MUC5B: variants seen among roughly 807,000 people sequenced by gnomAD.
MUC5B encodes mucin-5B.
Under a neutral mutation model 376.9 loss-of-function variants are expected in MUC5B, and 116 were observed. The ratio of observed to expected loss-of-function variants is 0.31; its 90% CI spans 0.26 to 0.36. The LOEUF is 0.36. MUC5B is among the 10% of genes least tolerant of loss of function. The pLI, the probability that MUC5B is intolerant of heterozygous loss-of-function variation, is 1.00. For missense variants in MUC5B, 7,165 were observed against 7,769.9 expected (o/e 0.92, Z 2.93); for synonymous variants, 3,517 against 3,390.9 (o/e 1.04, Z -1.29).
Position 1,236,491 on chromosome 11 carries a change from G to C in MUC5B, c.2986G>C (p.Glu996Gln). 3 of 1,613,144 alleles carry C rather than the reference G, an allele frequency of 1.9e-6. No individual in the cohort carries two copies. The highest frequency in any genetic ancestry group is 2.5e-6 in the Non-Finnish European group (3 of 1,179,832). ...IRYMGIFLVI[E>Q]THGMAVSWDR... ...CTACATGGGGATCTTCCTGGTCATC[G>C]AGACCCACGGGATGGCCGTGTCCTG... is the stretch of plus-strand genomic sequence containing the variant. Residue 996 changes from glutamate (E) to glutamine (Q), a missense_variant, in exon 24 of 49, where the codon GAG becomes CAG. Transcript: ENST00000529681.
At position 1,243,350 on chromosome 11, in the gene MUC5B, C is replaced by A. The variant is rs763540271; in HGVS notation, c.6470C>A (p.Pro2157His). ...TNPSSTPGTT[P>H]IPPVLTTTAT... ...CCCTCCTCAACTCCTGGGACAACTCCCATCCCCCCAGTGCTGACCACCACC... is the reference window on the plus strand; with the variant it reads ...CCCTCCTCAACTCCTGGGACAACTCACATCCCCCCAGTGCTGACCACCACC... The change falls in exon 31 of 49, where the codon CCC becomes CAC. Residue 2157 changes from proline (P) to histidine (H), a missense_variant. Pro to His is a moderately conservative substitution (Grantham distance 77). Transcript: ENST00000529681. 1.9e-6 allele frequency: 3 copies of A among 1,558,388 alleles called. No homozygotes were observed. Among genetic ancestry groups the A allele is most frequent in the Non-Finnish European group, 2.6e-6 (3 of 1,151,384 alleles).
In MUC5B at chr11:1,256,241, G is replaced by A; in HGVS notation, c.16136+16G>A. 1.4e-6 allele frequency: 1 copy of A among 720,890 alleles called. No individual in the cohort carries two copies. Among genetic ancestry groups the A allele is most frequent in the Non-Finnish European group, 2.6e-6 (1 of 387,412 alleles). The allele number at this position is 720,890 out of a possible 1,614,324, so 44.7% of individuals were successfully genotyped here. A position where few individuals can be genotyped will look rare whatever the true frequency, so the allele number is the denominator to read the frequency against. On this transcript the variant is annotated intron_variant, in intron 38 of 48. Coordinates refer to ENST00000529681, the MANE Select transcript of MUC5B (RefSeq NM_002458.3). ...GCAACTCTAGGTAAGTACAGGGATG[G>A]CTGGTGCCTTCCCTGCCACCCAGGC...
rs55893724 is a variant in MUC5B at position 1,255,202 on chromosome 11, G to T, written c.15826G>T (p.Val5276Leu). The change falls in exon 36 of 49, where the codon GTG becomes TTG. Residue 5276 changes from valine to leucine, a missense_variant. Val to Leu is a conservative substitution (Grantham distance 32). This residue lies in a region of MUC5B where 842 missense variants were observed against 1,016.9 expected (regional missense o/e 0.83). Transcript: ENST00000529681. The part of the protein sequence containing the change: ...TPPTASPAAP[V>L]SSTPTPTPCP... ...CCCCACTGCCAGCCCCGCAGCCCCG[G>T]TGTCTAGCACACCCACCCCCACCCC... The T allele has an allele frequency of 8.1e-3, 12,593 of 1,548,088 alleles. 58 individuals are homozygous for T. The highest frequency in any genetic ancestry group is 9.4e-3 in the Non-Finnish European group (10,765 of 1,145,282).
rs553890416 is a variant in MUC5B at position 1,233,086 on chromosome 11, C to T, written c.2139C>T (p.Arg713=). The change falls in exon 18 of 49, where the codon CGC becomes CGT. Residue 713 remains arginine, a synonymous_variant. Coordinates refer to ENST00000529681, the MANE Select transcript of MUC5B (RefSeq NM_002458.3). ...YVVDACQPTC[R]GLSEADVTCS... is the part of the protein sequence containing the mutation. ...TGGATGCCTGCCAGCCCACTTGCCG[C>T]GGCCTGAGTGAGGCCGACGTCACCT... The T allele has an allele frequency of 1.3e-4, 210 of 1,607,348 alleles. 7 individuals are homozygous for T. The South Asian group carries it at 1.7e-3, about 13-fold the overall frequency.
chr11:1,232,265 T>C (rs573580007), intron 15 of MUC5B, 105 bp downstream of exon 15: 5 of 1,396,204 alleles, frequency 3.6e-6, no homozygotes, highest in African/African-American at 1.4e-5. Flanking sequence ...GGGGACCCCA[T>C]GGAGGCAGGT....
In MUC5B at chr11:1,252,753, C is replaced by T. The variant is rs56095682; in HGVS notation, c.15046-56C>T. The T allele has an allele frequency of 1.1e-3, 1,685 of 1,536,708 alleles. 32 individuals carry two copies. In the East Asian group the frequency reaches 0.036, roughly 33 times the overall value. Reference sequence around the variant, plus strand: ...TTGGGCCATGAGGGGTGGGATGAGCCGTGGATGGGTCCCGTGAGCTGGTCC... The same window carrying T: ...TTGGGCCATGAGGGGTGGGATGAGCTGTGGATGGGTCCCGTGAGCTGGTCC... On this transcript the variant is annotated intron_variant, in intron 32 of 48. Coordinates refer to ENST00000529681, the MANE Select transcript of MUC5B (RefSeq NM_002458.3).
At position 1,239,474 on chromosome 11, in the gene MUC5B, G is replaced by C. The variant is rs1862229564; in HGVS notation, c.3491G>C (p.Cys1164Ser). Reference protein sequence around the residue: ...FCDFYNPHGGCEWHYQPCGAP... With the variant: ...FCDFYNPHGGSEWHYQPCGAP... ...GACTTCTACAACCCACATGGGGGCTGTGAGTGGCACTACCAGCCCTGCGGG... is the reference window on the plus strand; with the variant it reads ...GACTTCTACAACCCACATGGGGGCTCTGAGTGGCACTACCAGCCCTGCGGG... Residue 1164 changes from cysteine (C) to serine (S), a missense_variant, in exon 27 of 49, where the codon TGT becomes TCT. By Grantham distance (112) the Cys-to-Ser change is moderately radical. Around this residue, in one of 31 missense-constraint regions of MUC5B, gnomAD observed 517 missense variants for 545.3 expected, o/e 0.95. Coordinates refer to ENST00000529681, the MANE Select transcript of MUC5B (RefSeq NM_002458.3). The C allele has an allele frequency of 6.2e-7, 1 of 1,608,158 alleles. No homozygotes were observed.
chr11:1,231,360 C>T (rs1862023776), intron 13 of MUC5B, 63 bp from the exon 14 acceptor site: 2 of 1,528,614 alleles, frequency 1.3e-6, no homozygotes, highest in African/African-American at 1.4e-5. Context: ...ATGCCCTGCC[C>T]CTCCAATCTA....
chr11:1,260,134 G>A (rs1322439938), intron 46 of MUC5B, 49 bp downstream of exon 46: 1 of 1,601,092 alleles, frequency 6.2e-7, no homozygotes, highest in South Asian at 1.1e-5. Flanking sequence ...GTCCATCAGG[G>A]AGGCCCAACC....
In MUC5B at chr11:1,242,849, C is replaced by T. The variant is rs768433230; in HGVS notation, c.5969C>T (p.Thr1990Ile). The change falls in exon 31 of 49, where the codon ACC becomes ATC. Residue 1990 changes from threonine (T) to isoleucine (I), a missense_variant. This residue lies in a region of MUC5B where 897 missense variants were observed against 779.6 expected (regional missense o/e 1.15). Coordinates refer to ENST00000529681, the MANE Select transcript of MUC5B (RefSeq NM_002458.3). ...VTPIPSSSLGTTWTRLSQTTT... is the reference protein window; with the variant it reads ...VTPIPSSSLGITWTRLSQTTT... ...CCCATCCCCTCTTCCTCCCTGGGCA[C>T]CACCTGGACCCGCCTATCACAGACC... The T allele has an allele frequency of 1.2e-6, 2 of 1,613,260 alleles. No homozygotes were observed. Among genetic ancestry groups the T allele is most frequent in the African/African-American group, 1.3e-5 (1 of 74,766 alleles).
chr11:1,225,559 A>G, intron 1 of MUC5B, 122 bp from the exon 2 acceptor site: 2 of 843,328 alleles, frequency 2.4e-6, no homozygotes, highest in South Asian at 3.5e-5. Context: ...CAGGGCATGG[A>G]GACCGCCACC....
Position 1,256,724 on chromosome 11 carries a change from A to G in MUC5B, c.16190A>G (p.Asp5397Gly). ...GCGGAGGGCTGCTTCTGCCCTGAGGACCAGATCCTCTTCAACGCACACATG... is the reference window on the plus strand; with the variant it reads ...GCGGAGGGCTGCTTCTGCCCTGAGGGCCAGATCCTCTTCAACGCACACATG... ...GMAEGCFCPE[D>G]QILFNAHMGI... Residue 5397 changes from aspartate (D) to glycine (G), a missense_variant, in exon 39 of 49, where the codon GAC becomes GGC. Coordinates refer to ENST00000529681, the MANE Select transcript of MUC5B (RefSeq NM_002458.3). 6.4e-7 allele frequency: 1 copy of G among 1,560,332 alleles called. No homozygotes were observed. The highest frequency in any genetic ancestry group is 8.7e-7 in the Non-Finnish European group (1 of 1,154,970).
At position 1,258,817 on chromosome 11, in the gene MUC5B, AG is replaced by A; in HGVS notation, c.16594-121del. ...TGCCTGCCTGGGTCCATGCTCAGCC[AG>A]GGGTGCATCTATGCTCCATCTGAGG... On this transcript the variant is annotated intron_variant, in intron 43 of 48. Coordinates refer to ENST00000529681, the MANE Select transcript of MUC5B (RefSeq NM_002458.3). This position sits in a 1 kb window ranked among gnomAD's most constrained non-coding sequence, Gnocchi z 5.5. The A allele has an allele frequency of 7.5e-7, 1 of 1,327,818 alleles. No homozygotes were observed. The highest frequency in any genetic ancestry group is 1.0e-6 in the Non-Finnish European group (1 of 978,554). 82.3% of individuals were successfully genotyped at this position (1,327,818 alleles called of 1,614,324 possible).
In MUC5B at chr11:1,254,883, G is replaced by A. The variant is rs1590191345; in HGVS notation, c.15664+3G>A. On this transcript the variant is annotated splice_donor_region_variant and intron_variant, in intron 35 of 48. Transcript: ENST00000529681. ...CAACAACACCGAGGGCCAGTGCGGT[G>A]AGTGGGCGGCGGGTCCTGCCCCGGC... 2.5e-6 allele frequency: 4 copies of A among 1,609,940 alleles called. No individual in the cohort carries two copies. The highest frequency in any genetic ancestry group is 1.1e-5 in the South Asian group (1 of 91,026).
intron 26 of MUC5B, 165 bp from the exon 27 acceptor site, chr11:1,239,273 T>C: frequency 3.1e-6 from 3 of 962,784 alleles, no homozygotes; most frequent in South Asian, 1.7e-5. Context: ...GGCTGGGGAG[T>C]GGAGGGGAAG....
At position 1,249,716 on chromosome 11, in the gene MUC5B, C is replaced by A. The variant is rs750471873; in HGVS notation, c.12836C>A (p.Pro4279His). 11 of 1,609,620 alleles carry A rather than the reference C, an allele frequency of 6.8e-6. No homozygotes were observed. Among genetic ancestry groups the A allele is most frequent in the Non-Finnish European group, 6.8e-6 (8 of 1,177,780 alleles). ...TCCACCCCGGGAACAGCTCCCCCTC[C>A]CAAAGTGCTGACCAGCCCGGCCACC... ...PSSTPGTAPP[P>H]KVLTSPATTP... Residue 4279 changes from proline (P) to histidine (H), a missense_variant, in exon 31 of 49, where the codon CCC becomes CAC. Around this residue, in one of 31 missense-constraint regions of MUC5B, gnomAD observed 431 missense variants for 390.4 expected, o/e 1.10. Transcript: ENST00000529681.
In MUC5B at chr11:1,233,842, A is replaced by G; in HGVS notation, c.2371A>G (p.Ser791Gly). Residue 791 changes from serine to glycine, a missense_variant, in exon 19 of 49, where the codon AGC becomes GGC. Physicochemically the swap from Ser to Gly is moderately conservative, Grantham distance 56. This residue lies in a region of MUC5B where 530 missense variants were observed against 604.0 expected (regional missense o/e 0.88). Transcript: ENST00000529681. ...LSCLGASLQK[S>G]TGCAAPMVYL... ...CTGCCTGGGAGCCTCTCTGCAGAAA[A>G]GCACAGGTAAGTGCCACCCCTGCCC... 1 of 1,600,266 alleles carries G rather than the reference A, an allele frequency of 6.2e-7. No homozygotes were observed. Among genetic ancestry groups the G allele is most frequent in the African/African-American group, 1.3e-5 (1 of 74,528 alleles).
In MUC5B at chr11:1,251,121, T is replaced by C; in HGVS notation, c.14241T>C (p.Ala4747=). 1 of 1,609,466 alleles carries C rather than the reference T, an allele frequency of 6.2e-7. No individual in the cohort carries two copies. Among genetic ancestry groups the C allele is most frequent in the South Asian group, 1.1e-5 (1 of 90,950 alleles). The change falls in exon 31 of 49, where the codon GCT becomes GCC. Residue 4747 remains alanine (A), a synonymous_variant. Transcript: ENST00000529681. The part of the protein sequence containing the change: ...VLTSTATKST[A]TSFTPIPSST... ...CAAGCACAGCCACAAAATCCACAGC[T>C]ACCAGCTTTACACCCATCCCCTCCT...
Position 1,248,545 on chromosome 11 carries a change from G to A in MUC5B, c.11665G>A (p.Val3889Met), listed in dbSNP as rs1422796478. Residue 3889 changes from valine to methionine, a missense_variant, in exon 31 of 49, where the codon GTG becomes ATG. Val to Met is a conservative substitution (Grantham distance 21). This residue lies in a region of MUC5B where 242 missense variants were observed against 199.0 expected (regional missense o/e 1.22). Coordinates refer to ENST00000529681, the MANE Select transcript of MUC5B (RefSeq NM_002458.3). ...CCCAGGGACGGCACGCACGCCTCCA[G>A]TGTGGATCAGCACAACCACCACACC... is the stretch of plus-strand genomic sequence containing the variant. Reference protein sequence around the residue: ...SSPGTARTPPVWISTTTTPTT... With the variant: ...SSPGTARTPPMWISTTTTPTT... 1 of 1,612,978 alleles carries A rather than the reference G, an allele frequency of 6.2e-7. No homozygotes were observed. Among genetic ancestry groups the A allele is most frequent in the African/African-American group, 1.3e-5 (1 of 74,684 alleles).
Sources: allele counts gnomAD v4.1 joint callset, GRCh38; gene constraint gnomAD v4.1.1; regional missense constraint gnomAD v4.1.1; non-coding constraint Gnocchi (gnomAD v3.1); transcripts MANE v1.5; gene names NCBI Gene and HGNC (gene_info 2026-07-23, HGNC 2026-07-21).